Variants in NLRP12 observed in about 807,000 individuals in gnomAD.
NLRP12 encodes NACHT, LRR and PYD domains-containing protein 12.
In NLRP12, 108 loss-of-function variants were observed where a neutral mutation model predicts 91.2. The observed-to-expected ratio is 1.18, with a 90% confidence interval of 1.01 to 1.39. The LOEUF is 1.39. Among genes scored for constraint, NLRP12 ranks in the 40% most tolerant of loss-of-function variants. The pLI is 0.00. For synonymous variants in NLRP12, 613 were observed against 566.7 expected, an observed-to-expected ratio of 1.08 and a Z score of -1.16; for missense variants, 1,530 against 1,352.7, an observed-to-expected ratio of 1.13 and a Z score of -2.06.
In NLRP12 at chr19:53,795,866, C is replaced by A; in HGVS notation, c.3091G>T (p.Val1031Phe). The change falls in exon 9 of 10, where the codon GTC (valine) becomes TTC (phenylalanine). Residue 1031 changes from valine to phenylalanine, a missense_variant. Transcript: ENST00000324134. ...RLSHPGCKLR[V>F]LWLFGMDLNK... Reference sequence around the variant, plus strand: ...CTGGTCATCATCCCTCACCAGAGGACTCGGAGTTTGCAGCCAGGATGGCTC... The same window carrying A: ...CTGGTCATCATCCCTCACCAGAGGAATCGGAGTTTGCAGCCAGGATGGCTC... 1 of 1,614,054 alleles carries A rather than the reference C, an allele frequency of 6.2e-7. No homozygotes were observed. Among genetic ancestry groups the A allele is most frequent in the South Asian group, 1.1e-5 (1 of 91,080 alleles).
intron 3 of NLRP12, among the ~76,000 whole-genome samples, chr19:53,809,218 T>A (rs2092011279): frequency 1.4e-5 from 1 of 72,130 alleles, no homozygotes. Flanking sequence ...CAAGAGAGAC[T>A]TAGTTTAAAA....
At position 53,805,136 on chromosome 19, in the gene NLRP12, G is replaced by A. The variant is rs144261513; in HGVS notation, c.2414+144C>T. The A allele has an allele frequency of 9.7e-4, 796 of 820,990 alleles. 11 individuals carry two copies. In the Admixed American group the frequency reaches 0.011, roughly 12 times the overall value. The allele number at this position is 820,990 out of a possible 1,614,324, so 50.9% of individuals were successfully genotyped here. On this transcript the variant is annotated intron_variant, in intron 5 of 9. Coordinates refer to ENST00000324134, the MANE Select transcript of NLRP12 (RefSeq NM_144687.4). ...AAGCAGGTCTTCCAAAGTGCCTAGA[G>A]TCCAGGGCCAGGGTCTTAGGTCATG...
rs942990064 is a variant in NLRP12, at chr19:53,811,578, A to AT, written c.371-291dup. On this transcript the variant is annotated intron_variant, in intron 2 of 9. Transcript: ENST00000324134. The stretch of plus-strand genomic sequence containing the variant: ...TGAGACTAGGTTATAAGACTGGCTA[A>AT]TTTTTTTTTTTTTTAGATGGAGTCT... Among the ~76,000 whole-genome samples, 1,002 of 144,284 alleles carry AT rather than the reference A, an allele frequency of 6.9e-3. 4 individuals carry two copies. The highest frequency in any genetic ancestry group is 9.6e-3 in the East Asian group (47 of 4,882). The allele number at this position is 144,284 out of a possible 152,430, so 94.7% of individuals were successfully genotyped here.
chr19:53,818,977 A>G (rs888675178), intron 1 of NLRP12, among the ~76,000 whole-genome samples: 3 of 152,120 alleles, frequency 2.0e-5, no homozygotes, highest in Admixed American at 2.0e-4. Flanking sequence ...CATCACACAG[A>G]CAGAAAGAGC....
rs763465849 is a variant in NLRP12 at position 53,809,643 on chromosome 19, C to G, written c.2016G>C (p.Ala672=). ...VLHLYGATYS[A]DGEDRARCSA... Reference sequence around the variant, plus strand: ...AGCACCTCGCGCGGTCTTCCCCGTCCGCGCTGTAGGTGGCGCCATACAAGT... The same window carrying G: ...AGCACCTCGCGCGGTCTTCCCCGTCGGCGCTGTAGGTGGCGCCATACAAGT... The change falls in exon 3 of 10, where the codon GCG becomes GCC. Residue 672 remains alanine, a synonymous_variant. Coordinates refer to ENST00000324134, the MANE Select transcript of NLRP12 (RefSeq NM_144687.4). The G allele has an allele frequency of 6.2e-7, 1 of 1,613,736 alleles. No individual in the cohort carries two copies. Among genetic ancestry groups the G allele is most frequent in the Non-Finnish European group, 8.5e-7 (1 of 1,179,964 alleles).
At chr19:53,794,752 C>T (rs1265088359) in intron 9 of NLRP12, among the ~76,000 whole-genome samples, 1 of 151,488 alleles carries the variant, frequency 6.6e-6, no homozygotes. Flanking sequence ...CTGCAACCTC[C>T]GCCTCCTGGC....
intron 8 of NLRP12, 67 bp downstream of exon 8, chr19:53,798,176 A>G (rs1226258027): frequency 1.3e-6 from 2 of 1,514,888 alleles, no homozygotes; most frequent in African/African-American, 1.4e-5. Context: ...TAGAAAAATG[A>G]AGGATGAGAA....
At chr19:53,803,736 G>GCTAA (rs1466231858) in intron 6 of NLRP12, 10 of 527,458 alleles carry the variant, frequency 1.9e-5, no homozygotes, top group Non-Finnish European at 3.2e-5. Context: ...ACCACATCCA[G>GCTAA]CTAATTTTTG....
At chr19:53,812,942 A>T (rs2092099838) in intron 2 of NLRP12, among the ~76,000 whole-genome samples, 1 of 144,748 alleles carries the variant, frequency 6.9e-6, no homozygotes, top group Non-Finnish European at 1.5e-5. Context: ...GTGCAGTGGC[A>T]TGATCTAGGC....
chr19:53,803,895 T>C, intron 6 of NLRP12, 57 bp downstream of exon 6: 1 of 1,551,900 alleles, frequency 6.4e-7, no homozygotes, highest in Admixed American at 1.7e-5. Flanking sequence ...TTTTATACCA[T>C]CATTCAATAT....
chr19:53,811,330 A>T (rs973476536), intron 2 of NLRP12, 42 bp from the exon 3 acceptor site: 3 of 1,609,184 alleles, frequency 1.9e-6, no homozygotes, highest in Non-Finnish European at 2.5e-6. Context: ...ACTCATCAGC[A>T]GCCTCTAATG....
Position 53,801,267 on chromosome 19 carries a change from C to T in NLRP12, c.2716G>A (p.Glu906Lys). The T allele has an allele frequency of 6.2e-7, 1 of 1,613,830 alleles. No individual in the cohort carries two copies. Among genetic ancestry groups the T allele is most frequent in the Non-Finnish European group, 8.5e-7 (1 of 1,179,984 alleles). ...LGDLGVLLLCEGLRHPTCKLQ... is the reference protein window; with the variant it reads ...LGDLGVLLLCKGLRHPTCKLQ... ...TTGCACGTGGGATGCCTGAGGCCCT[C>T]ACACAGCAGCAGCACCCCGAGGTCC... Residue 906 changes from glutamate (E) to lysine (K), a missense_variant, in exon 7 of 10, where the codon GAG (glutamate) becomes AAG (lysine). By Grantham distance (56) the Glu-to-Lys change is moderately conservative. Coordinates refer to ENST00000324134, the MANE Select transcript of NLRP12 (RefSeq NM_144687.4).
At chr19:53,804,405 T>TGGG in intron 5 of NLRP12, among the ~76,000 whole-genome samples, 1 of 147,456 alleles carries the variant, frequency 6.8e-6, no homozygotes, top group Admixed American at 6.8e-5. Context: ...TTTTTTGTTT[T>TGGG]TTTTTTTTTT....
In NLRP12 at chr19:53,798,345, T is replaced by G. The variant is rs1220727074; in HGVS notation, c.2825A>C (p.Asn942Thr). 19 of 1,613,802 alleles carry G rather than the reference T, an allele frequency of 1.2e-5. No homozygotes were observed. The highest frequency in any genetic ancestry group is 1.7e-5 in the Admixed American group (1 of 59,946). The change falls in exon 8 of 10, where the codon AAC becomes ACC. Residue 942 changes from asparagine to threonine, a missense_variant. Physicochemically the swap from Asn to Thr is moderately conservative, Grantham distance 65 (BLOSUM62 0). Transcript: ENST00000324134. ...GAAACTCAAGTCCAGCTCCCGGAGGTTGTGGTTGGCCTGGAGCACCACAGA... is the reference window on the plus strand; with the variant it reads ...GAAACTCAAGTCCAGCTCCCGGAGGGTGTGGTTGGCCTGGAGCACCACAGA... ...GLSVVLQANHNLRELDLSFND... is the reference protein window; with the variant it reads ...GLSVVLQANHTLRELDLSFND...
chr19:53,809,303 C>A (rs1212287761), intron 3 of NLRP12, among the ~76,000 whole-genome samples: 2 of 150,828 alleles, frequency 1.3e-5, no homozygotes, highest in Non-Finnish European at 2.9e-5. Flanking sequence ...GAGGCCAAGG[C>A]GGGCAGATCA....
chr19:53,807,553 C>T lies in NLRP12; in HGVS notation c.2185G>A (p.Gly729Arg), dbSNP rs139938997. Reference sequence around the variant, plus strand: ...AGTCCTTGACAGAGCAGCTTCACCCCCCGGCTGCCCAGGGCATTTCGGTAC... The same window carrying T: ...AGTCCTTGACAGAGCAGCTTCACCCTCCGGCTGCCCAGGGCATTTCGGTAC... ...SLYRNALGSR[G>R]VKLLCQGLRH... The change falls in exon 4 of 10, where the codon GGG becomes AGG. Residue 729 changes from glycine (G) to arginine (R), a missense_variant. Coordinates refer to ENST00000324134, the MANE Select transcript of NLRP12 (RefSeq NM_144687.4). 1.0e-4 allele frequency: 162 copies of T among 1,614,124 alleles called. No individual in the cohort carries two copies. The African/African-American group carries it at 1.8e-3, about 18-fold the overall frequency.
Position 53,811,468 on chromosome 19 carries a change from C to T in NLRP12, c.371-180G>A, listed in dbSNP as rs112178382. Reference sequence around the variant, plus strand: ...GGTGGAGGTTGCAGTGAGCTGAGATCGCACCACTGCACTCTAGCCTGGGCA... The same window carrying T: ...GGTGGAGGTTGCAGTGAGCTGAGATTGCACCACTGCACTCTAGCCTGGGCA... On this transcript the variant is annotated intron_variant, in intron 2 of 9. Transcript: ENST00000324134. Among the ~76,000 whole-genome samples, 13,734 of 151,526 alleles carry T rather than the reference C, an allele frequency of 0.091. 711 individuals are homozygous for T. The highest frequency in any genetic ancestry group is 0.2 in the South Asian group (971 of 4,770).
At chr19:53,821,537 G>A (rs7507992) in intron 1 of NLRP12, among the ~76,000 whole-genome samples, 133,354 of 151,576 alleles carry the variant, frequency 0.88, 58,895 homozygotes, top group Non-Finnish European at 0.93. Context: ...GCATGGTGGC[G>A]GGCACCTGCA....
At chr19:53,798,211 C>T (rs994991761) in intron 8 of NLRP12, 32 bp downstream of exon 8, 9 of 1,613,266 alleles carry the variant, frequency 5.6e-6, no homozygotes, top group Non-Finnish European at 7.6e-6. Context: ...CCAAACGTGA[C>T]CACTGCCACC....
Sources: allele counts gnomAD v4.1 joint callset (sites outside exome capture counted in the v4.1 genomes callset), GRCh38; gene constraint gnomAD v4.1.1; transcripts MANE v1.5; gene names NCBI Gene and HGNC (gene_info 2026-07-23, HGNC 2026-07-21).